The following MAGI1 variants were observed in gnomAD, a reference collection of about 807,000 sequenced individuals.
MAGI1 encodes the protein membrane associated guanylate kinase, WW and PDZ domain containing 1, also known as membrane-associated guanylate kinase, WW and PDZ domain-containing protein 1.
MAGI1 carries 58 observed loss-of-function variants against 139.9 expected under a neutral mutation model. The ratio of observed to expected loss-of-function variants is 0.41; its 90% CI spans 0.34 to 0.52. The LOEUF is 0.52. Among genes scored for constraint, MAGI1 ranks in the 20% least tolerant of loss-of-function variants. The probability of loss-of-function intolerance (pLI) is 0.12; values close to 1 mark genes in which losing one functional copy is unlikely to be tolerated. For missense variants in MAGI1, 1,874 were observed against 1,901.6 expected (o/e 0.99, Z 0.27); for synonymous variants, 812 against 737.9 (o/e 1.10, Z -1.63).
At chr3:65,504,286 C>T (rs2077193400) in intron 2 of MAGI1, among the ~76,000 whole-genome samples, 1 of 152,188 alleles carries the variant, frequency 6.6e-6, no homozygotes, top group South Asian at 2.1e-4. Context: ...ATACAAACCC[C>T]TCAGCAAATT....
At chr3:65,387,207 C>T (rs770992534) in intron 14 of MAGI1, 9 of 1,613,918 alleles carry the variant, frequency 5.6e-6, no homozygotes, top group African/African-American at 1.3e-5. Flanking sequence ...TCAATCCCGA[C>T]GCAGGTGAAG....
chr3:65,955,290 GAGCCCAGCAGTTCAGGGCCAGCC>G (rs1271588717), intron 1 of MAGI1, among the ~76,000 whole-genome samples: 1 of 152,218 alleles, frequency 6.6e-6, no homozygotes, highest in Non-Finnish European at 1.5e-5. Flanking sequence ...AGGATCACTT[GAGCCCAGCAGTTCAGGGCCAGCC>G]TGGACAACAC....
chr3:65,451,367 T>C (rs1949023214), intron 6 of MAGI1, among the ~76,000 whole-genome samples: 2 of 152,178 alleles, frequency 1.3e-5, no homozygotes, highest in African/African-American at 4.8e-5. Flanking sequence ...CATCAAATAA[T>C]GATTATTGTT....
chr3:65,628,444 T>C (rs1214699773), intron 1 of MAGI1, among the ~76,000 whole-genome samples: 1 of 152,058 alleles, frequency 6.6e-6, no homozygotes, highest in Admixed American at 6.6e-5. Flanking sequence ...CATCTCCAAA[T>C]GGCATTACAC....
intron 2 of MAGI1, among the ~76,000 whole-genome samples, chr3:65,541,284 C>G (rs1459775753): frequency 6.6e-6 from 1 of 151,978 alleles, no homozygotes; most frequent in Non-Finnish European, 1.5e-5. Flanking sequence ...AATTAATAAC[C>G]TACTAACCAA....
intron 1 of MAGI1, among the ~76,000 whole-genome samples, chr3:65,722,563 C>A (rs1360626078): frequency 6.6e-6 from 1 of 152,092 alleles, no homozygotes; most frequent in African/African-American, 2.4e-5. Flanking sequence ...AGCCCAAGAG[C>A]TGGAGGCTGC....
intron 1 of MAGI1, among the ~76,000 whole-genome samples, chr3:65,889,237 A>C (rs1441050375): frequency 6.6e-6 from 1 of 152,252 alleles, no homozygotes; most frequent in Admixed American, 6.5e-5. Context: ...GGCTGAATTA[A>C]ATAAGCAAAG....
chr3:65,500,571 AT>A (rs1207679022), intron 2 of MAGI1, among the ~76,000 whole-genome samples: 1 of 152,250 alleles, frequency 6.6e-6, no homozygotes, highest in Non-Finnish European at 1.5e-5. Flanking sequence ...TATCTGCGCT[AT>A]CTTTTTATTC....
At position 65,467,344 on chromosome 3, in the gene MAGI1, G is replaced by A. The variant is rs141109184; in HGVS notation, c.959+2939C>T. ...TAAACAAGGTAGATCTGGTTCTAATGCGGTTTAATTTGCTATTCAATGGAA... is the reference window on the plus strand; with the variant it reads ...TAAACAAGGTAGATCTGGTTCTAATACGGTTTAATTTGCTATTCAATGGAA... On this transcript the variant is annotated intron_variant, in intron 5 of 22. Transcript: ENST00000402939. Among the ~76,000 whole-genome samples, 730 of 152,310 alleles carry A rather than the reference G, an allele frequency of 4.8e-3. 4 individuals carry two copies. The highest frequency in any genetic ancestry group is 0.017 in the African/African-American group (700 of 41,568).
intron 14 of MAGI1, among the ~76,000 whole-genome samples, chr3:65,387,437 T>C (rs1399429891): frequency 6.6e-6 from 1 of 152,156 alleles, no homozygotes; most frequent in Non-Finnish European, 1.5e-5. Context: ...AATTTACAAT[T>C]GCACCACTGA....
At chr3:66,026,978 AG>A (rs1451696121) in intron 1 of MAGI1, among the ~76,000 whole-genome samples, 2 of 151,796 alleles carry the variant, frequency 1.3e-5, no homozygotes, top group South Asian at 2.1e-4. Context: ...TCTTAAAAAA[AG>A]AGAGGACCGG....
At chr3:65,827,042 A>T (rs575264483) in intron 1 of MAGI1, among the ~76,000 whole-genome samples, 67 of 152,180 alleles carry the variant, frequency 4.4e-4, no homozygotes, top group Non-Finnish European at 7.9e-4. Context: ...AAAGAAGTTC[A>T]GCATCAACCT....
rs189104105 is a variant in MAGI1, at chr3:65,673,010, A to G, written c.314-50922T>C. Among the ~76,000 whole-genome samples the G allele has an allele frequency of 1.8e-3, 278 of 152,250 alleles. 1 individual carries two copies. Among genetic ancestry groups the G allele is most frequent in the Non-Finnish European group, 3.6e-3 (244 of 68,002 alleles). ...TATGACAGGTTCTGCGAAGGTGAGT[A>G]TTAAAAAATATTTGTTCCCAACTCA... On this transcript the variant is annotated intron_variant, in intron 1 of 22. Transcript: ENST00000402939.
intron 1 of MAGI1, among the ~76,000 whole-genome samples, chr3:65,630,949 G>C (rs979217084): frequency 6.6e-6 from 1 of 152,236 alleles, no homozygotes; most frequent in African/African-American, 2.4e-5. Context: ...TTCTACGTGT[G>C]TAACAATGCA....
chr3:65,953,454 T>A (rs1325134839), intron 1 of MAGI1, among the ~76,000 whole-genome samples: 4 of 152,146 alleles, frequency 2.6e-5, no homozygotes, highest in Non-Finnish European at 4.4e-5. Context: ...CTGAGAGCGA[T>A]TACACACATA....
chr3:65,818,044 G>C (rs2041717561), intron 1 of MAGI1, among the ~76,000 whole-genome samples: 1 of 25,900 alleles, frequency 3.9e-5, no homozygotes, highest in African/African-American at 1.1e-4. Context: ...AAAATTATGA[G>C]TGTGTGTGTG....
At chr3:65,796,264 T>C (rs984279424) in intron 1 of MAGI1, among the ~76,000 whole-genome samples, 2 of 152,176 alleles carry the variant, frequency 1.3e-5, no homozygotes, top group Non-Finnish European at 2.9e-5. Context: ...TATTTTCTTT[T>C]AAGGCTTTCA....
At chr3:65,490,700 C>T (rs749858783) in intron 3 of MAGI1, among the ~76,000 whole-genome samples, 18 of 151,628 alleles carry the variant, frequency 1.2e-4, no homozygotes, top group East Asian at 7.8e-4. Flanking sequence ...AAAACTTAGC[C>T]GGGCACAGTG....
At chr3:65,590,391 A>G (rs1048379274) in intron 2 of MAGI1, among the ~76,000 whole-genome samples, 3 of 152,218 alleles carry the variant, frequency 2.0e-5, no homozygotes, top group African/African-American at 7.2e-5. Context: ...AAAAAATCAT[A>G]AAGATTTCAA....
Sources: allele counts gnomAD v4.1 joint callset (sites outside exome capture counted in the v4.1 genomes callset), GRCh38; gene constraint gnomAD v4.1.1; transcripts MANE v1.5; gene names NCBI Gene and HGNC (gene_info 2026-07-23, HGNC 2026-07-21).